The following SCD5 variants were observed in gnomAD, a reference collection of about 807,000 sequenced individuals.
SCD5 encodes stearoyl-CoA desaturase 5, also known as acyl-CoA-desaturase 4.
In SCD5, 20 loss-of-function variants were observed where a neutral mutation model predicts 30.4. The observed-to-expected ratio is 0.66, with a 90% CI of 0.46 to 0.96. The LOEUF (loss-of-function observed/expected upper bound fraction) is 0.96, where lower values mean the gene tolerates loss of function less well. Among genes scored for constraint, SCD5 ranks in the 40% least tolerant of loss-of-function variants. SCD5 has a pLI of 0.00. For missense variants in SCD5, 381 were observed against 443.3 expected, an observed-to-expected ratio of 0.86 and a Z score of 1.26; for synonymous variants, 173 against 176.4, an observed-to-expected ratio of 0.98 and a Z score of 0.16.
At chr4:82,706,978 G>C (rs929863076) in intron 1 of SCD5, among the ~76,000 whole-genome samples, 2 of 152,184 alleles carry the variant, frequency 1.3e-5, no homozygotes, top group African/African-American at 4.8e-5. Context: ...AAAAAGCCTG[G>C]GCTGAATGTA....
Position 82,631,221 on chromosome 4 carries a change from C to T in SCD5, c.*106G>A. The T allele has an allele frequency of 1.2e-6, 1 of 855,964 alleles. No individual in the cohort carries two copies. Among genetic ancestry groups the T allele is most frequent in the Non-Finnish European group, 1.7e-6 (1 of 580,026 alleles). 53.0% of individuals were successfully genotyped at this position (855,964 alleles called of 1,614,324 possible). ...CCCAAACCACATTGACTCGTTCCTTCCCCACCCTCTGCCCCCTCCCACGAT... is the reference window on the plus strand; with the variant it reads ...CCCAAACCACATTGACTCGTTCCTTTCCCACCCTCTGCCCCCTCCCACGAT... On this transcript the variant is annotated 3_prime_UTR_variant, in exon 5 of 5. Transcript: ENST00000319540.
At chr4:82,679,372 C>T (rs568681409) in intron 3 of SCD5, among the ~76,000 whole-genome samples, 4 of 151,886 alleles carry the variant, frequency 2.6e-5, no homozygotes, top group African/African-American at 7.2e-5. Context: ...GAATTGATAC[C>T]GGGTGTTTTC....
rs139882662 is a variant in SCD5, at chr4:82,740,571, A to G, written c.233-35158T>C. ...CTCAGACAGACATATTGACTTACCG[A>G]TAACTTCATTAATGAAAGCACCTGC... On this transcript the variant is annotated intron_variant, in intron 1 of 4. Coordinates refer to ENST00000319540, the MANE Select transcript of SCD5 (RefSeq NM_001037582.3). Among the ~76,000 whole-genome samples the G allele has an allele frequency of 7.8e-3, 1,187 of 152,288 alleles. 15 individuals are homozygous for G. Among genetic ancestry groups the G allele is most frequent in the African/African-American group, 0.025 (1,048 of 41,554 alleles).
At chr4:82,767,772 CT>C (rs1303747249) in intron 1 of SCD5, among the ~76,000 whole-genome samples, 1 of 152,016 alleles carries the variant, frequency 6.6e-6, no homozygotes, top group Non-Finnish European at 1.5e-5. Flanking sequence ...TTGACAAATA[CT>C]TAAAAACTAA....
chr4:82,666,389 G>A (rs1488561316), intron 3 of SCD5, among the ~76,000 whole-genome samples: 9 of 152,200 alleles, frequency 5.9e-5, no homozygotes, highest in Admixed American at 3.3e-4. Flanking sequence ...GGTGGCGGGC[G>A]CCTGTAGTCC....
chr4:82,696,067 CTT>C (rs1194882971), intron 2 of SCD5, among the ~76,000 whole-genome samples: 1 of 152,132 alleles, frequency 6.6e-6, no homozygotes, highest in African/African-American at 2.4e-5. Flanking sequence ...GGCTTATGCA[CTT>C]TTAAATGTAG....
At chr4:82,660,929 C>T (rs762514802) in intron 3 of SCD5, 18 of 1,614,000 alleles carry the variant, frequency 1.1e-5, no homozygotes, top group African/African-American at 2.7e-5. Context: ...CAGCACTTTT[C>T]GGAGTGGTTA....
chr4:82,648,656 C>A (rs1727680614), intron 3 of SCD5, among the ~76,000 whole-genome samples: 1 of 152,098 alleles, frequency 6.6e-6, no homozygotes, highest in Non-Finnish European at 1.5e-5. Flanking sequence ...GCTGGCCCAT[C>A]CCTTAATTTC....
chr4:82,666,821 G>A (rs1728200319), intron 3 of SCD5, among the ~76,000 whole-genome samples: 1 of 152,148 alleles, frequency 6.6e-6, no homozygotes, highest in Non-Finnish European at 1.5e-5. Flanking sequence ...TCAAGGCTAT[G>A]GGAAGCCAAG....
chr4:82,756,720 A>G (rs754231210), intron 1 of SCD5, among the ~76,000 whole-genome samples: 9 of 132,854 alleles, frequency 6.8e-5, no homozygotes, highest in Non-Finnish European at 1.4e-4. Flanking sequence ...TCTCCATTCC[A>G]TGCTCTTTCC....
At chr4:82,663,481 C>A (rs554754315) in intron 3 of SCD5, among the ~76,000 whole-genome samples, 25 of 152,272 alleles carry the variant, frequency 1.6e-4, no homozygotes, top group African/African-American at 5.8e-4. Context: ...CTGCTACTGG[C>A]AACAAGAACA....
At position 82,726,962 on chromosome 4, in the gene SCD5, C is replaced by T. The variant is rs545547316; in HGVS notation, c.233-21549G>A. ...TGAAGGGCACCTGTCAATTGCTGCCCAAGCTCATCCTGCAGAGTGGGGGCT... is the reference window on the plus strand; with the variant it reads ...TGAAGGGCACCTGTCAATTGCTGCCTAAGCTCATCCTGCAGAGTGGGGGCT... On this transcript the variant is annotated intron_variant, in intron 1 of 4. Transcript: ENST00000319540. Among the ~76,000 whole-genome samples the T allele has an allele frequency of 2.8e-4, 42 of 152,210 alleles. 1 individual carries two copies. The highest frequency in any genetic ancestry group is 2.2e-4 in the Non-Finnish European group (15 of 68,028).
At chr4:82,648,271 T>C (rs1727672135) in intron 3 of SCD5, among the ~76,000 whole-genome samples, 1 of 152,152 alleles carries the variant, frequency 6.6e-6, no homozygotes, top group South Asian at 2.1e-4. Context: ...CATGCAAACT[T>C]CTGGATTGCA....
intron 1 of SCD5, among the ~76,000 whole-genome samples, chr4:82,791,686 G>A (rs1348795903): frequency 6.6e-6 from 1 of 152,102 alleles, no homozygotes; most frequent in East Asian, 1.9e-4. Context: ...CAAGGTTGTG[G>A]CACTTCCAAA....
intron 1 of SCD5, among the ~76,000 whole-genome samples, chr4:82,750,601 T>C (rs17351885): frequency 0.023 from 3,542 of 151,596 alleles, 64 homozygotes; most frequent in South Asian, 0.039. Flanking sequence ...CTCGAGAATA[T>C]GGCTTTACTT....
At chr4:82,701,320 AAG>A (rs771450743) in intron 2 of SCD5, among the ~76,000 whole-genome samples, 49 of 152,326 alleles carry the variant, frequency 3.2e-4, no homozygotes, top group Admixed American at 1.4e-3. Context: ...AAAATAGAAA[AAG>A]AGTAGAATAC....
At chr4:82,692,924 G>C (rs868675543) in intron 2 of SCD5, among the ~76,000 whole-genome samples, 3 of 152,194 alleles carry the variant, frequency 2.0e-5, no homozygotes, top group South Asian at 2.1e-4. Context: ...GGGATAAGTA[G>C]GATCCACGAG....
intron 1 of SCD5, among the ~76,000 whole-genome samples, chr4:82,725,443 C>T (rs527889247): frequency 3.3e-5 from 5 of 152,316 alleles, no homozygotes; most frequent in African/African-American, 4.8e-5. Flanking sequence ...CAGCACCTTC[C>T]ACTTGTCTCA....
intron 1 of SCD5, among the ~76,000 whole-genome samples, chr4:82,777,972 G>A (rs1024274367): frequency 2.1e-5 from 3 of 143,280 alleles, no homozygotes; most frequent in African/African-American, 7.9e-5. Flanking sequence ...CAACCCAAAT[G>A]CCCATCAATA....
Sources: gnomAD v4.1 joint callset for allele counts (sites outside exome capture counted in the v4.1 genomes callset) on GRCh38, gnomAD v4.1.1 for gene constraint, MANE v1.5 for transcripts, NCBI Gene and HGNC (gene_info 2026-07-23, HGNC 2026-07-21) for gene names.